Variants in TCF12 observed in about 807,000 individuals in gnomAD.
TCF12 encodes DNA-binding protein HTF4.
In TCF12, 45 loss-of-function variants were observed where a neutral mutation model predicts 86.0. The observed-to-expected ratio is 0.52, with a 90% CI of 0.41 to 0.67. The LOEUF (loss-of-function observed/expected upper bound fraction) is 0.67. Ranked by LOEUF, TCF12 falls within the 30% of genes least tolerant of loss-of-function variation. TCF12 has a pLI of 0.00. For missense variants in TCF12, 881 were observed against 859.9 expected (o/e 1.02, Z -0.31); for synonymous variants, 330 against 299.6 (o/e 1.10, Z -1.05).
intron 3 of TCF12, among the ~76,000 whole-genome samples, chr15:57,036,843 A>G (rs752840733): frequency 1.1e-4 from 16 of 152,088 alleles, no homozygotes; most frequent in Admixed American, 2.6e-4. Flanking sequence ...TGTTTTTGGT[A>G]TCATCTCTCA....
At position 57,075,820 on chromosome 15, in the gene TCF12, C is replaced by CTTT. The variant is rs1567370889; in HGVS notation, c.222+11998_222+11999insTTT. ...TTTCTTTCTTTCTCTCTCTCTCTCTCTCTCTCTCTCTCTCTTTTCTTTCTT... is the reference window on the plus strand; with the variant it reads ...TTTCTTTCTTTCTCTCTCTCTCTCTCTTTTCTCTCTCTCTCTCTTTTCTTTCTT... On this transcript the variant is annotated intron_variant, in intron 4 of 20. Transcript: ENST00000333725. Among the ~76,000 whole-genome samples the CTTT allele has an allele frequency of 5.6e-3, 294 of 52,440 alleles. 5 individuals carry two copies. The highest frequency in any genetic ancestry group is 0.02 in the East Asian group (23 of 1,150). The allele number at this position is 52,440 out of a possible 152,430, so 34.4% of individuals were successfully genotyped here.
At chr15:57,161,778 G>A (rs1000254384) in intron 5 of TCF12, among the ~76,000 whole-genome samples, 15 of 152,040 alleles carry the variant, frequency 9.9e-5, no homozygotes, top group African/African-American at 3.4e-4. Context: ...TGTCACAGTA[G>A]AACAATAGAT....
At chr15:57,185,394 A>G (rs182021771) in intron 6 of TCF12, among the ~76,000 whole-genome samples, 8 of 152,236 alleles carry the variant, frequency 5.3e-5, no homozygotes, top group African/African-American at 1.4e-4. Flanking sequence ...TCAGAGGGAA[A>G]TTTATTATTG....
At chr15:57,238,911 G>A (rs912081197) in intron 12 of TCF12, among the ~76,000 whole-genome samples, 6 of 152,210 alleles carry the variant, frequency 3.9e-5, no homozygotes, top group Admixed American at 6.5e-5. Flanking sequence ...AGGTGAAAAT[G>A]TATAAATGGG....
chr15:57,159,118 G>T (rs1435809585), intron 5 of TCF12, among the ~76,000 whole-genome samples: 1 of 152,270 alleles, frequency 6.6e-6, no homozygotes, highest in Non-Finnish European at 1.5e-5. Context: ...TTTCTGAATA[G>T]TTTATTAATT....
chr15:57,283,135 T>G (rs2061772775), intron 20 of TCF12, among the ~76,000 whole-genome samples: 1 of 152,222 alleles, frequency 6.6e-6, no homozygotes, highest in Non-Finnish European at 1.5e-5. Flanking sequence ...AATCTATTAA[T>G]GAATGGGAAG....
At position 56,927,649 on chromosome 15, in the gene TCF12, C is replaced by T. The variant is rs187562468; in HGVS notation, c.148+6551C>T. ...TGATAAATAATGTGGTACTGACCACCTTTTTGTGTATGTATATGTTTTTGC... is the reference window on the plus strand; with the variant it reads ...TGATAAATAATGTGGTACTGACCACTTTTTTGTGTATGTATATGTTTTTGC... On this transcript the variant is annotated intron_variant, in intron 3 of 20. Coordinates refer to ENST00000333725, the MANE Select transcript of TCF12 (RefSeq NM_207037.2). Among the ~76,000 whole-genome samples, 31 of 152,084 alleles carry T rather than the reference C, an allele frequency of 2.0e-4. No individual in the cohort carries two copies. In the East Asian group the frequency reaches 6.0e-3, roughly 29 times the overall value.
chr15:57,085,924 A>G (rs1213548606), intron 4 of TCF12, among the ~76,000 whole-genome samples: 1 of 152,076 alleles, frequency 6.6e-6, no homozygotes, highest in African/African-American at 2.4e-5. Flanking sequence ...ACCCGTGGAT[A>G]CTTGTTCAAT....
chr15:57,226,371 A>G, intron 8 of TCF12, among the ~76,000 whole-genome samples: 1 of 152,122 alleles, frequency 6.6e-6, no homozygotes, highest in Non-Finnish European at 1.5e-5. Flanking sequence ...AAGTTAGCCA[A>G]ATAATTTTGT....
chr15:56,983,621 C>A (rs1171382517), intron 3 of TCF12, among the ~76,000 whole-genome samples: 1 of 152,002 alleles, frequency 6.6e-6, no homozygotes, highest in Non-Finnish European at 1.5e-5. Flanking sequence ...TTGAAAAATA[C>A]TAATATGCAT....
At chr15:57,040,419 A>G (rs1451262037) in intron 3 of TCF12, among the ~76,000 whole-genome samples, 1 of 152,218 alleles carries the variant, frequency 6.6e-6, no homozygotes, top group African/African-American at 2.4e-5. Flanking sequence ...CTCTTTGGCA[A>G]GTGCATAACC....
At chr15:57,173,793 C>T (rs1326400396) in intron 6 of TCF12, among the ~76,000 whole-genome samples, 2 of 151,656 alleles carry the variant, frequency 1.3e-5, no homozygotes, top group African/African-American at 2.4e-5. Context: ...CTACATCCTC[C>T]GCCTCCCAGG....
intron 4 of TCF12, among the ~76,000 whole-genome samples, chr15:57,071,560 G>A (rs531379261): frequency 1.3e-5 from 2 of 152,212 alleles, no homozygotes; most frequent in South Asian, 2.1e-4. Flanking sequence ...TCTAGAGCCC[G>A]GGAGGCGGAG....
chr15:57,198,636 G>GT (rs1354095896), intron 8 of TCF12, among the ~76,000 whole-genome samples: 3 of 151,714 alleles, frequency 2.0e-5, no homozygotes, highest in African/African-American at 4.8e-5. Flanking sequence ...AAAAACGGAA[G>GT]TTTTTTTTTC....
chr15:57,135,909 A>G (rs1462194471), intron 5 of TCF12, among the ~76,000 whole-genome samples: 1 of 150,726 alleles, frequency 6.6e-6, no homozygotes, highest in Non-Finnish European at 1.5e-5. Context: ...TAGCTGTGTT[A>G]GAGGGGGAAA....
chr15:56,989,063 A>G (rs964596404), intron 3 of TCF12, among the ~76,000 whole-genome samples: 9 of 152,192 alleles, frequency 5.9e-5, no homozygotes, highest in South Asian at 4.1e-4. Context: ...ACATTTTCCA[A>G]GAGATGACTA....
chr15:56,920,098 C>T (rs2059713878), intron 2 of TCF12, 110 bp downstream of exon 2: 3 of 1,193,718 alleles, frequency 2.5e-6, no homozygotes, highest in Middle Eastern at 2.0e-4. Context: ...GACTAGGCAG[C>T]GTGAACTCCA....
chr15:56,930,501 C>T (rs866410239), intron 3 of TCF12, among the ~76,000 whole-genome samples: 1 of 152,140 alleles, frequency 6.6e-6, no homozygotes, highest in Non-Finnish European at 1.5e-5. Flanking sequence ...CTACTTGGTA[C>T]TGACATACTC....
chr15:56,924,136 G>C (rs1211214429), intron 3 of TCF12, among the ~76,000 whole-genome samples: 1 of 152,042 alleles, frequency 6.6e-6, no homozygotes, highest in Non-Finnish European at 1.5e-5. Context: ...TTTTTAGATA[G>C]TTGTAGATTC....
Sources: allele counts gnomAD v4.1 joint callset (sites outside exome capture counted in the v4.1 genomes callset), GRCh38; gene constraint gnomAD v4.1.1; transcripts MANE v1.5; gene names NCBI Gene and HGNC (gene_info 2026-07-23, HGNC 2026-07-21).